EYS: variants seen among roughly 807,000 people sequenced by gnomAD.
EYS encodes the protein protein eyes shut homolog.
A neutral mutation model predicts 282.1 loss-of-function variants in EYS; 250 were observed. The ratio of observed to expected loss-of-function variants is 0.89; its 90% confidence interval spans 0.80 to 0.98. The LOEUF (loss-of-function observed/expected upper bound fraction) is 0.98. Ranked by LOEUF, EYS falls within the 50% of genes least tolerant of loss-of-function variation. The pLI, the probability that EYS is intolerant of heterozygous loss-of-function variation, is 0.00. For missense variants in EYS, 4,016 were observed against 3,709.0 expected (o/e 1.08, Z -2.15); for synonymous variants, 1,355 against 1,282.9 (o/e 1.06, Z -1.20).
chr6:65,512,116 GA>G (rs1766899346), intron 2 of EYS, among the ~76,000 whole-genome samples: 1 of 151,692 alleles, frequency 6.6e-6, no homozygotes, highest in Admixed American at 6.6e-5. Flanking sequence ...CCATTTCTGT[GA>G]AATTTTTCCC....
intron 22 of EYS, among the ~76,000 whole-genome samples, chr6:64,688,933 C>T (rs1329316292): frequency 5.3e-5 from 8 of 151,836 alleles, no homozygotes; most frequent in Middle Eastern, 3.4e-3. Context: ...CCCTCTCTCA[C>T]CACTCCTATT....
At chr6:64,800,734 C>T (rs748601619) in intron 22 of EYS, among the ~76,000 whole-genome samples, 7 of 151,468 alleles carry the variant, frequency 4.6e-5, no homozygotes, top group East Asian at 3.9e-4. Context: ...AGCTTTTTTA[C>T]GTTTTTACTT....
At chr6:65,390,250 A>C (rs528024847) in intron 7 of EYS, among the ~76,000 whole-genome samples, 1 of 151,628 alleles carries the variant, frequency 6.6e-6, no homozygotes, top group Admixed American at 6.6e-5. Context: ...AGTTATCAAA[A>C]AATATGACCA....
chr6:65,151,493 T>G (rs987156073), intron 12 of EYS, among the ~76,000 whole-genome samples: 4 of 151,922 alleles, frequency 2.6e-5, no homozygotes, highest in Non-Finnish European at 5.9e-5. Flanking sequence ...CCTCAGAAAA[T>G]AAATGTGATA....
intron 1 of EYS, among the ~76,000 whole-genome samples, chr6:65,672,871 G>A (rs967300781): frequency 1.3e-5 from 2 of 152,060 alleles, no homozygotes; most frequent in East Asian, 1.9e-4. Flanking sequence ...GAGAGTCAGT[G>A]AAGGGAGATG....
At chr6:64,021,461 G>T (rs182364538) in intron 33 of EYS, among the ~76,000 whole-genome samples, 337 of 152,014 alleles carry the variant, frequency 2.2e-3, no homozygotes, top group African/African-American at 7.7e-3. Flanking sequence ...GCACAGGACT[G>T]CCTGGAATAA....
intron 29 of EYS, among the ~76,000 whole-genome samples, chr6:64,354,977 A>G (rs996098188): frequency 2.0e-5 from 3 of 151,510 alleles, no homozygotes; most frequent in African/African-American, 7.3e-5. Context: ...CTGCCTTACA[A>G]TTGTTTCTGT....
intron 12 of EYS, among the ~76,000 whole-genome samples, chr6:65,185,279 A>G (rs1379393101): frequency 6.6e-6 from 1 of 151,768 alleles, no homozygotes; most frequent in Non-Finnish European, 1.5e-5. Context: ...CCCAAACTAG[A>G]ACTTTTTCAA....
chr6:64,082,693 A>G (rs1772013388), intron 31 of EYS, among the ~76,000 whole-genome samples: 1 of 152,142 alleles, frequency 6.6e-6, no homozygotes, highest in Non-Finnish European at 1.5e-5. Flanking sequence ...TAGTATTACT[A>G]TAATATGCAA....
At chr6:64,304,336 TA>T (rs1769355309) in intron 30 of EYS, among the ~76,000 whole-genome samples, 1 of 152,150 alleles carries the variant, frequency 6.6e-6, no homozygotes, top group Non-Finnish European at 1.5e-5. Flanking sequence ...AATTGTACAA[TA>T]ATAGTGGAGA....
intron 2 of EYS, among the ~76,000 whole-genome samples, chr6:65,627,371 C>T: frequency 6.6e-6 from 1 of 152,072 alleles, no homozygotes. Flanking sequence ...TGCTGGCAGT[C>T]CTCACATCCC....
chr6:65,405,654 C>T (rs1201339750), intron 5 of EYS, among the ~76,000 whole-genome samples: 1 of 152,018 alleles, frequency 6.6e-6, no homozygotes, highest in Non-Finnish European at 1.5e-5. Flanking sequence ...TGTACCCAAG[C>T]CCAGTTCCAG....
chr6:64,513,245 C>T (rs1196186940), intron 26 of EYS, among the ~76,000 whole-genome samples: 1 of 151,618 alleles, frequency 6.6e-6, no homozygotes, highest in Non-Finnish European at 1.5e-5. Flanking sequence ...AATGGATTAG[C>T]TATATTTGAG....
chr6:64,754,082 G>C (rs985110127), intron 22 of EYS, among the ~76,000 whole-genome samples: 3 of 151,934 alleles, frequency 2.0e-5, no homozygotes, highest in Non-Finnish European at 4.4e-5. Context: ...ACATACTCAG[G>C]CTTCTGGGAT....
intron 11 of EYS, among the ~76,000 whole-genome samples, chr6:65,309,304 T>G (rs9345602): frequency 0.53 from 80,628 of 151,898 alleles, 23,668 homozygotes; most frequent in East Asian, 0.9. Context: ...GGGGAAAGTT[T>G]GCAGGCCTCT....
chr6:65,537,286 T>C (rs1476026160), intron 2 of EYS, among the ~76,000 whole-genome samples: 1 of 152,162 alleles, frequency 6.6e-6, no homozygotes, highest in Non-Finnish European at 1.5e-5. Flanking sequence ...ACATGGCACA[T>C]GTATACCTAT....
chr6:64,704,993 T>TA (rs969398795), intron 22 of EYS, among the ~76,000 whole-genome samples: 25 of 150,886 alleles, frequency 1.7e-4, no homozygotes, highest in Admixed American at 8.0e-4. Context: ...TCAGAAAAGA[T>TA]AAAAAAAAAT....
chr6:63,857,053 A>G (rs963041973), intron 36 of EYS, among the ~76,000 whole-genome samples: 8 of 152,350 alleles, frequency 5.3e-5, no homozygotes, highest in Middle Eastern at 3.4e-3. Flanking sequence ...TGTCATTAAC[A>G]GAAAGTTTCT....
intron 13 of EYS, among the ~76,000 whole-genome samples, chr6:65,047,524 A>G (rs1773139315): frequency 6.6e-6 from 1 of 151,916 alleles, no homozygotes; most frequent in Non-Finnish European, 1.5e-5. Flanking sequence ...ATCTATGACC[A>G]TTTATATTTA....
Sources: allele counts gnomAD v4.1 joint callset (sites outside exome capture counted in the v4.1 genomes callset), GRCh38; gene constraint gnomAD v4.1.1; transcripts MANE v1.5; gene names NCBI Gene and HGNC (gene_info 2026-07-23, HGNC 2026-07-21).